LRRTM4: variants seen among roughly 807,000 people sequenced by gnomAD.
The protein encoded by LRRTM4 is leucine-rich repeat transmembrane neuronal protein 4.
Under a neutral mutation model 47.6 loss-of-function variants are expected in LRRTM4, and 25 were observed. That is an observed-to-expected ratio of 0.53 (90% CI 0.38 to 0.73). LRRTM4 has a LOEUF of 0.73. Ranked by LOEUF, LRRTM4 falls within the 30% of genes least tolerant of loss-of-function variation. LRRTM4 has a pLI of 0.00. For missense variants in LRRTM4, 638 were observed against 713.4 expected, an observed-to-expected ratio of 0.89 and a Z score of 1.20; for synonymous variants, 311 against 269.5, an observed-to-expected ratio of 1.15 and a Z score of -1.51.
chr2:77,175,095 A>ATTTTT, intron 3 of LRRTM4, among the ~76,000 whole-genome samples: 1 of 143,510 alleles, frequency 7.0e-6, no homozygotes. Flanking sequence ...TTTTTGACAC[A>ATTTTT]GTCACACTCC....
intron 3 of LRRTM4, among the ~76,000 whole-genome samples, chr2:76,826,195 A>G (rs983575549): frequency 5.9e-5 from 9 of 151,716 alleles, no homozygotes; most frequent in Non-Finnish European, 1.2e-4. Flanking sequence ...AATAATGAAT[A>G]TATCAGATCA....
At chr2:77,358,480 C>T (rs1672055066) in intron 3 of LRRTM4, among the ~76,000 whole-genome samples, 1 of 152,106 alleles carries the variant, frequency 6.6e-6, no homozygotes. Flanking sequence ...GCCCAAACAC[C>T]TCTCATTAGG....
chr2:77,295,298 G>A (rs1286446873), intron 3 of LRRTM4, among the ~76,000 whole-genome samples: 1 of 152,010 alleles, frequency 6.6e-6, no homozygotes, highest in Non-Finnish European at 1.5e-5. Context: ...TTTACCCCAT[G>A]TTAAGATTCC....
chr2:76,885,744 C>T lies in LRRTM4; in HGVS notation c.1552-136828G>A, dbSNP rs931344647. On this transcript the variant is annotated intron_variant, in intron 3 of 3. Transcript: ENST00000409884. ...CCTCCCAAAGTGCTGGGATTACAGG[C>T]GTGAGTCACCGCGCCCGGCCAAAAA... 1.1e-4 allele frequency among the ~76,000 whole-genome samples: 17 copies of T among 152,088 alleles called. No individual in the cohort carries two copies. In the South Asian group the frequency reaches 1.9e-3, roughly 17 times the overall value.
intron 3 of LRRTM4, among the ~76,000 whole-genome samples, chr2:77,003,348 T>TATTG (rs1165826046): frequency 1.3e-5 from 2 of 152,110 alleles, no homozygotes; most frequent in Non-Finnish European, 2.9e-5. Context: ...AGTTGATATG[T>TATTG]ATTGGCTCTG....
At chr2:77,124,446 T>C (rs1044633150) in intron 3 of LRRTM4, among the ~76,000 whole-genome samples, 21 of 151,972 alleles carry the variant, frequency 1.4e-4, no homozygotes, top group African/African-American at 5.1e-4. Context: ...ACAAAATTGG[T>C]TGTAAATTTT....
At chr2:76,765,813 C>T (rs1042982554) in intron 3 of LRRTM4, among the ~76,000 whole-genome samples, 2 of 152,192 alleles carry the variant, frequency 1.3e-5, no homozygotes, top group Non-Finnish European at 2.9e-5. Context: ...TAGGCACCAT[C>T]ACCATGGCCT....
At chr2:77,074,052 C>G (rs1482701694) in intron 3 of LRRTM4, among the ~76,000 whole-genome samples, 1 of 151,828 alleles carries the variant, frequency 6.6e-6, no homozygotes, top group Non-Finnish European at 1.5e-5. Context: ...AAAAAGTTCA[C>G]TCTTCTTATA....
chr2:77,094,186 G>A (rs1670743223), intron 3 of LRRTM4, among the ~76,000 whole-genome samples: 1 of 152,100 alleles, frequency 6.6e-6, no homozygotes, highest in African/African-American at 2.4e-5. Context: ...ATGTATAATA[G>A]CAACACAAAA....
intron 3 of LRRTM4, among the ~76,000 whole-genome samples, chr2:76,779,751 G>A (rs1434834318): frequency 2.6e-5 from 4 of 152,102 alleles, no homozygotes; most frequent in Non-Finnish European, 5.9e-5. Context: ...GGAGCATTTA[G>A]TCCAGTTACA....
Position 76,990,715 on chromosome 2 carries a change from C to G in LRRTM4, c.1552-241799G>C, listed in dbSNP as rs577851438. 4.6e-5 allele frequency among the ~76,000 whole-genome samples: 7 copies of G among 151,860 alleles called. No individual in the cohort carries two copies. The South Asian group carries it at 1.2e-3, about 27-fold the overall frequency. ...CAATAATAGTGAGGGACATCAACAA[C>G]CACTGATAGTGCATAGGCAGATCAT... is the stretch of plus-strand genomic sequence containing the variant. On this transcript the variant is annotated intron_variant, in intron 3 of 3. Transcript: ENST00000409884.
chr2:76,832,454 C>CTTT (rs541805872), intron 3 of LRRTM4, among the ~76,000 whole-genome samples: 186 of 94,018 alleles, frequency 2.0e-3, no homozygotes, highest in Middle Eastern at 8.1e-3. Context: ...CCTCGAAGGG[C>CTTT]TTTTTTTTTT....
chr2:77,474,870 C>T (rs997966580), intron 3 of LRRTM4, among the ~76,000 whole-genome samples: 2 of 151,946 alleles, frequency 1.3e-5, no homozygotes, highest in Non-Finnish European at 1.5e-5. Flanking sequence ...CACATGCCTT[C>T]GTAATATGAA....
At chr2:77,075,726 T>C (rs1321216111) in intron 3 of LRRTM4, among the ~76,000 whole-genome samples, 178 of 150,802 alleles carry the variant, frequency 1.2e-3, no homozygotes, top group African/African-American at 4.2e-3. Context: ...CCATCCTGGC[T>C]AACAAGGTGA....
chr2:76,797,956 AT>A (rs1675439504), intron 3 of LRRTM4, among the ~76,000 whole-genome samples: 1 of 150,044 alleles, frequency 6.7e-6, no homozygotes, highest in Non-Finnish European at 1.5e-5. Context: ...GAGCATCCAG[AT>A]TCATAAAGCA....
intron 3 of LRRTM4, among the ~76,000 whole-genome samples, chr2:76,892,301 A>G (rs575991155): frequency 6.6e-6 from 1 of 151,846 alleles, no homozygotes; most frequent in South Asian, 2.1e-4. Flanking sequence ...AAATTATTTT[A>G]CAAGATATTT....
At chr2:76,782,786 C>G (rs1674472217) in intron 3 of LRRTM4, among the ~76,000 whole-genome samples, 1 of 152,118 alleles carries the variant, frequency 6.6e-6, no homozygotes, top group Non-Finnish European at 1.5e-5. Flanking sequence ...ACAGTTAAAC[C>G]TGTGTTGTTT....
In LRRTM4 at chr2:77,011,178, AAC is replaced by A. The variant is rs143767756; in HGVS notation, c.1552-262264_1552-262263del. Among the ~76,000 whole-genome samples the A allele has an allele frequency of 5.3e-3, 805 of 152,296 alleles. 11 individuals are homozygous for A. The highest frequency in any genetic ancestry group is 0.018 in the African/African-American group (758 of 41,570). ...AAAAGAAAGAGATAAAAATAGTTTT[AAC>A]ACAGTTTAGCCCAATATTTTCAAAA... On this transcript the variant is annotated intron_variant, in intron 3 of 3. Transcript: ENST00000409884.
intron 3 of LRRTM4, among the ~76,000 whole-genome samples, chr2:77,170,775 A>ATTTC (rs1309245346): frequency 2.1e-5 from 2 of 96,530 alleles, no homozygotes; most frequent in Non-Finnish European, 4.6e-5. Context: ...GATCATAGGA[A>ATTTC]TTTCTTTCTT....
Sources: gnomAD v4.1 joint callset for allele counts (sites outside exome capture counted in the v4.1 genomes callset) on GRCh38, gnomAD v4.1.1 for gene constraint, MANE v1.5 for transcripts, NCBI Gene and HGNC (gene_info 2026-07-23, HGNC 2026-07-21) for gene names.